Variants in RAD51B observed in about 807,000 individuals in gnomAD.
The protein encoded by RAD51B is DNA repair protein RAD51 homolog 2.
In RAD51B, 38 loss-of-function variants were observed where a neutral mutation model predicts 42.2. That is an observed-to-expected ratio of 0.90 (90% CI 0.70 to 1.18). The LOEUF (loss-of-function observed/expected upper bound fraction) is 1.18. RAD51B is among the 50% of genes most tolerant of loss of function. The pLI is 0.00. For missense variants in RAD51B, 373 were observed against 400.7 expected (o/e 0.93, Z 0.59); for synonymous variants, 154 against 145.2 (o/e 1.06, Z -0.43).
intron 7 of RAD51B, among the ~76,000 whole-genome samples, chr14:67,912,250 C>T (rs2044007879): frequency 6.6e-6 from 1 of 152,054 alleles, no homozygotes; most frequent in Middle Eastern, 3.2e-3. Context: ...GTGAGAATTA[C>T]CAAAGGTCTG....
At chr14:67,989,797 G>A (rs7155097) in intron 7 of RAD51B, among the ~76,000 whole-genome samples, 41,847 of 151,912 alleles carry the variant, frequency 0.28, 7,530 homozygotes, top group African/African-American at 0.51. Context: ...CCTTGAGGGT[G>A]TGAGTCTTTC....
chr14:68,072,466 G>T (rs930820657), intron 7 of RAD51B, among the ~76,000 whole-genome samples: 7 of 151,970 alleles, frequency 4.6e-5, no homozygotes, highest in African/African-American at 1.7e-4. Flanking sequence ...GGGAGGCTAG[G>T]CTCATCTCGT....
At chr14:68,060,682 G>GA (rs1260119006) in intron 7 of RAD51B, among the ~76,000 whole-genome samples, 1 of 152,172 alleles carries the variant, frequency 6.6e-6, no homozygotes, top group African/African-American at 2.4e-5. Flanking sequence ...AGAAGACACT[G>GA]AAAGTTTTCA....
intron 4 of RAD51B, among the ~76,000 whole-genome samples, chr14:67,853,932 CAG>C (rs1382445750): frequency 6.6e-6 from 1 of 152,178 alleles, no homozygotes; most frequent in Non-Finnish European, 1.5e-5. Context: ...GAGGAGAAAT[CAG>C]AGACACCAAC....
intron 10 of RAD51B, among the ~76,000 whole-genome samples, chr14:68,543,289 A>T (rs919626679): frequency 1.3e-5 from 2 of 152,316 alleles, no homozygotes; most frequent in East Asian, 3.9e-4. Flanking sequence ...TCACTCTTCT[A>T]CTACTGCCAT....
At chr14:68,379,805 A>C (rs1311162424) in intron 8 of RAD51B, among the ~76,000 whole-genome samples, 1 of 152,210 alleles carries the variant, frequency 6.6e-6, no homozygotes, top group Non-Finnish European at 1.5e-5. Context: ...TAATCAAGGC[A>C]ACTGTTGCTG....
intron 10 of RAD51B, among the ~76,000 whole-genome samples, chr14:68,500,183 C>G (rs1345689710): frequency 1.3e-5 from 2 of 152,240 alleles, no homozygotes; most frequent in Admixed American, 1.3e-4. Flanking sequence ...CAATCAGATC[C>G]TCACATCTAT....
intron 5 of RAD51B, among the ~76,000 whole-genome samples, chr14:67,881,776 A>C (rs1208937100): frequency 2.6e-5 from 4 of 152,174 alleles, no homozygotes; most frequent in Non-Finnish European, 5.9e-5. Context: ...TTATTATTTT[A>C]GTGCAATTCA....
chr14:67,967,535 A>G (rs2074806186), intron 7 of RAD51B, among the ~76,000 whole-genome samples: 1 of 152,234 alleles, frequency 6.6e-6, no homozygotes, highest in Non-Finnish European at 1.5e-5. Context: ...CAGCCATTTC[A>G]GATGGGAGAA....
chr14:68,563,373 G>C, intron 10 of RAD51B: 3 of 985,436 alleles, frequency 3.0e-6, no homozygotes, highest in Non-Finnish European at 3.6e-6. Flanking sequence ...GATACTGCGA[G>C]CTGGGTTTTT....
intron 11 of RAD51B, among the ~76,000 whole-genome samples, chr14:68,652,596 A>T (rs1181719517): frequency 1.3e-5 from 2 of 151,888 alleles, no homozygotes; most frequent in Non-Finnish European, 2.9e-5. Context: ...CTTCCTCCTC[A>T]TCTGTTTCTT....
At chr14:68,661,473 T>G (rs7350738) in intron 11 of RAD51B, among the ~76,000 whole-genome samples, 1 of 151,936 alleles carries the variant, frequency 6.6e-6, no homozygotes, top group Admixed American at 6.6e-5. Context: ...GGAAATTCAA[T>G]CCCAGATCTG....
chr14:68,335,159 T>G (rs997201517), intron 8 of RAD51B, among the ~76,000 whole-genome samples: 1 of 149,862 alleles, frequency 6.7e-6, no homozygotes, highest in East Asian at 1.9e-4. Flanking sequence ...TAGCTGGGCA[T>G]GGTGGCGGGT....
intron 11 of RAD51B, among the ~76,000 whole-genome samples, chr14:68,678,262 C>T (rs920359956): frequency 1.3e-5 from 2 of 152,190 alleles, no homozygotes; most frequent in Non-Finnish European, 2.9e-5. Flanking sequence ...AGTGAACACC[C>T]CCTCAAGTCT....
At chr14:68,652,555 T>C (rs73287708) in intron 11 of RAD51B, among the ~76,000 whole-genome samples, 3,944 of 152,312 alleles carry the variant, frequency 0.026, 150 homozygotes, top group African/African-American at 0.074. Context: ...AACCTTCACT[T>C]ACTCGCTTTG....
intron 7 of RAD51B, among the ~76,000 whole-genome samples, chr14:68,252,998 A>T (rs2080670748): frequency 6.6e-6 from 1 of 151,716 alleles, no homozygotes; most frequent in South Asian, 2.1e-4. Context: ...CAGGAGAATC[A>T]CTTGAACCTG....
intron 7 of RAD51B, among the ~76,000 whole-genome samples, chr14:68,029,985 A>G (rs1355380130): frequency 6.6e-6 from 1 of 152,226 alleles, no homozygotes; most frequent in Non-Finnish European, 1.5e-5. Flanking sequence ...AATAAGCAAT[A>G]CTATTTTGAA....
chr14:67,952,893 G>GT (rs1235873640), intron 7 of RAD51B, among the ~76,000 whole-genome samples: 186 of 146,700 alleles, frequency 1.3e-3, no homozygotes, highest in East Asian at 9.5e-3. Context: ...TAGTTTTTTT[G>GT]TTTTTTTTTT....
rs1204817902 is a variant in RAD51B at position 68,136,575 on chromosome 14, CAAAAAAA to C, written c.757-155289_757-155283del. 4.5e-4 allele frequency among the ~76,000 whole-genome samples: 2 copies of C among 4,454 alleles called. 1 individual carries two copies. The highest frequency in any genetic ancestry group is 7.1e-4 in the African/African-American group (2 of 2,836). 2.9% of individuals were successfully genotyped at this position (4,454 alleles called of 152,430 possible). On this transcript the variant is annotated intron_variant, in intron 7 of 10. Coordinates refer to ENST00000471583, the MANE Select transcript of RAD51B (RefSeq NM_133510.4). ...TGTGGTGACAAATGAGACTCCATCT[CAAAAAAA>C]AAAAAAAAAAAAAAAAAAAGAAGTA... is the stretch of plus-strand genomic sequence containing the variant.
Sources: gnomAD v4.1 joint callset for allele counts (sites outside exome capture counted in the v4.1 genomes callset) on GRCh38, gnomAD v4.1.1 for gene constraint, MANE v1.5 for transcripts, NCBI Gene and HGNC (gene_info 2026-07-23, HGNC 2026-07-21) for gene names.